The following PLXNB1 variants were observed in gnomAD, a reference collection of about 807,000 sequenced individuals.
PLXNB1 encodes the protein plexin B1, also known as plexin-B1.
In PLXNB1, 106 loss-of-function variants were observed where a neutral mutation model predicts 209.4. That is an observed-to-expected ratio of 0.51 (90% CI 0.43 to 0.59). The LOEUF is 0.59. Ranked by LOEUF, PLXNB1 falls within the 20% of genes least tolerant of loss-of-function variation. The pLI is 0.00. For missense variants in PLXNB1, 2,357 were observed against 2,853.2 expected, an observed-to-expected ratio of 0.83 and a Z score of 3.96; for synonymous variants, 1,167 against 1,183.2, an observed-to-expected ratio of 0.99 and a Z score of 0.28.
At position 48,411,061 on chromosome 3, in the gene PLXNB1, C is replaced by T; in HGVS notation, c.5248-25G>A. On this transcript the variant is annotated intron_variant, in intron 28 of 37. Coordinates refer to ENST00000296440, the MANE Select transcript of PLXNB1 (RefSeq NM_001130082.3). This position sits in a 1 kb window ranked among gnomAD's most constrained non-coding sequence, Gnocchi z 4.0. ...TCTGTGCAGGACACACAGGAGCCATCAGGGTTCATGTGCACTCAGGATGAC... is the reference window on the plus strand; with the variant it reads ...TCTGTGCAGGACACACAGGAGCCATTAGGGTTCATGTGCACTCAGGATGAC... 6.3e-7 allele frequency: 1 copy of T among 1,596,720 alleles called. No homozygotes were observed.
At chr3:48,426,156 G>C (rs2038881911) in intron 1 of PLXNB1, among the ~76,000 whole-genome samples, 1 of 152,212 alleles carries the variant, frequency 6.6e-6, no homozygotes, top group Non-Finnish European at 1.5e-5. Context: ...CAGGGCCCAA[G>C]ATGTGGGGTA....
At chr3:48,427,589 G>A (rs941748973) in intron 1 of PLXNB1, among the ~76,000 whole-genome samples, 1 of 152,048 alleles carries the variant, frequency 6.6e-6, no homozygotes, top group Non-Finnish European at 1.5e-5. Flanking sequence ...GAGGGATAAA[G>A]GCCTACCCCT....
At chr3:48,428,924 G>A (rs2039038618) in intron 1 of PLXNB1, among the ~76,000 whole-genome samples, 1 of 151,682 alleles carries the variant, frequency 6.6e-6, no homozygotes, top group Non-Finnish European at 1.5e-5. Context: ...TCCCCACTCG[G>A]CTCGTCCTTG....
rs970767323 is a variant in PLXNB1 at position 48,410,999 on chromosome 3, C to T, written c.5285G>A (p.Gly1762Glu). 6.2e-7 allele frequency: 1 copy of T among 1,613,582 alleles called. No homozygotes were observed. The highest frequency in any genetic ancestry group is 1.3e-5 in the African/African-American group (1 of 74,928). Residue 1762 changes from glycine to glutamate, a missense_variant, in exon 29 of 38, where the codon GGA (glycine) becomes GAA (glutamate). Gly to Glu is a moderately conservative substitution (Grantham distance 98). Around this residue, in one of 7 missense-constraint regions of PLXNB1, gnomAD observed 414 missense variants for 520.5 expected, o/e 0.80. Transcript: ENST00000296440. The surrounding 1 kb of genome is among the most constrained non-coding windows in gnomAD (Gnocchi z 6.4). The part of the protein sequence containing the change: ...NALLAVGPGA[G>E]EAQGVPVKVL... ...CTTCACGGGCACGCCCTGGGCCTCT[C>T]CTGCCCCAGGCCCCACAGCCAATAG...
chr3:48,414,160 C>A lies in PLXNB1; in HGVS notation c.4210-89G>T, dbSNP rs1241458511. 12 of 1,313,604 alleles carry A rather than the reference C, an allele frequency of 9.1e-6. No homozygotes were observed. In the South Asian group the frequency reaches 1.4e-4, roughly 16 times the overall value. 81.4% of individuals were successfully genotyped at this position (1,313,604 alleles called of 1,614,324 possible). On this transcript the variant is annotated intron_variant, in intron 21 of 37. Coordinates refer to ENST00000296440, the MANE Select transcript of PLXNB1 (RefSeq NM_001130082.3). ...TGTGGGAAGGACCCTGAGACCCAGC[C>A]GCAGCAGCAAAGCTGACAGCCTCTC...
chr3:48,407,480 C>G (rs2037386929), intron 34 of PLXNB1, among the ~76,000 whole-genome samples: 2 of 152,332 alleles, frequency 1.3e-5, no homozygotes, highest in South Asian at 4.1e-4. Context: ...CAGACCACCT[C>G]TCTCCCCAGT....
At chr3:48,422,227 G>A in intron 5 of PLXNB1, 22 bp from the exon 6 acceptor site, 4 of 1,612,894 alleles carry the variant, frequency 2.5e-6, no homozygotes, top group Non-Finnish European at 3.4e-6. Context: ...AAGAGGACCT[G>A]AGGCCAGCAA....
chr3:48,410,445 C>A lies in PLXNB1; in HGVS notation c.5520+10G>T. 1 of 1,613,240 alleles carries A rather than the reference C, an allele frequency of 6.2e-7. No individual in the cohort carries two copies. Among genetic ancestry groups the A allele is most frequent in the Non-Finnish European group, 8.5e-7 (1 of 1,179,290 alleles). ...CCACCATGCCCTCCTCCAGCTCCCACTCCTCCTACCTTGTAATGCTGCAGT... is the reference window on the plus strand; with the variant it reads ...CCACCATGCCCTCCTCCAGCTCCCAATCCTCCTACCTTGTAATGCTGCAGT... On this transcript the variant is annotated intron_variant, in intron 30 of 37. Coordinates refer to ENST00000296440, the MANE Select transcript of PLXNB1 (RefSeq NM_001130082.3). The surrounding 1 kb of genome is among the most constrained non-coding windows in gnomAD (Gnocchi z 6.4).
Position 48,418,435 on chromosome 3 carries a change from C to T in PLXNB1, c.3049+14G>A, listed in dbSNP as rs761556739. 7.4e-6 allele frequency: 12 copies of T among 1,613,006 alleles called. No homozygotes were observed. Among genetic ancestry groups the T allele is most frequent in the African/African-American group, 5.3e-5 (4 of 74,906 alleles). On this transcript the variant is annotated intron_variant, in intron 14 of 37. Coordinates refer to ENST00000296440, the MANE Select transcript of PLXNB1 (RefSeq NM_001130082.3). The surrounding 1 kb of genome is among the most constrained non-coding windows in gnomAD (Gnocchi z 6.6). ...TGCTACCACCGCCAGCCCAGCAGCC[C>T]GCAGGTGGCTCACCATGCAGCCCCT...
Position 48,409,677 on chromosome 3 carries a change from G to C in PLXNB1, c.5833C>G (p.Arg1945Gly), listed in dbSNP as rs765831676. 1 of 1,613,828 alleles carries C rather than the reference G, an allele frequency of 6.2e-7. No individual in the cohort carries two copies. The highest frequency in any genetic ancestry group is 8.5e-7 in the Non-Finnish European group (1 of 1,180,028). Reference protein sequence around the residue: ...DLFQVILSTSRPVPLAVKYFF... With the variant: ...DLFQVILSTSGPVPLAVKYFF... ...TACTTCACAGCGAGCGGCACGGGGC[G>C]GCTGGTGCTGAGAATCACCTGGAAC... The change falls in exon 33 of 38, where the codon CGC (arginine) becomes GGC (glycine). Residue 1945 changes from arginine to glycine, a missense_variant. Arg to Gly is a moderately radical substitution (Grantham distance 125). Coordinates refer to ENST00000296440, the MANE Select transcript of PLXNB1 (RefSeq NM_001130082.3). This position sits in a 1 kb window ranked among gnomAD's most constrained non-coding sequence, Gnocchi z 5.8.
Position 48,420,269 on chromosome 3 carries a change from G to A in PLXNB1, c.2029-12C>T, listed in dbSNP as rs989160853. The A allele has an allele frequency of 6.6e-6, 10 of 1,520,074 alleles. No individual in the cohort carries two copies. The highest frequency in any genetic ancestry group is 2.0e-5 in the Admixed American group (1 of 50,246). 94.2% of individuals were successfully genotyped at this position (1,520,074 alleles called of 1,614,324 possible). ...GAGACAAGCGGGCTCTGAAGGGGGA[G>A]GCAGAGGAAGACAGGAAGGGCCACT... On this transcript the variant is annotated splice_polypyrimidine_tract_variant and intron_variant, in intron 10 of 37. Transcript: ENST00000296440.
At position 48,405,588 on chromosome 3, in the gene PLXNB1, C is replaced by G; in HGVS notation, c.6303+136G>C. 1.5e-6 allele frequency: 1 copy of G among 665,594 alleles called. No individual in the cohort carries two copies. Among genetic ancestry groups the G allele is most frequent in the Non-Finnish European group, 2.6e-6 (1 of 389,488 alleles). 41.2% of individuals were successfully genotyped at this position (665,594 alleles called of 1,614,324 possible). On this transcript the variant is annotated intron_variant, in intron 37 of 37. Transcript: ENST00000296440. This position sits in a 1 kb window ranked among gnomAD's most constrained non-coding sequence, Gnocchi z 5.0. The stretch of plus-strand genomic sequence containing the variant: ...CGCCTGGAAAACACTTCTCAAGCCA[C>G]CAAGGGGCCCGGCCCCCCACTACTC...
At position 48,406,716 on chromosome 3, in the gene PLXNB1, G is replaced by A; in HGVS notation, c.6228+107C>T. ...TTTCCTGCCCCAACCAGCTCACAGG[G>A]CTGCTGAGGTTCCCAAGGGCTTCCC... On this transcript the variant is annotated intron_variant, in intron 36 of 37. Transcript: ENST00000296440. The surrounding 1 kb of genome is among the most constrained non-coding windows in gnomAD (Gnocchi z 4.4). The A allele has an allele frequency of 6.8e-7, 1 of 1,469,230 alleles. No individual in the cohort carries two copies. Among genetic ancestry groups the A allele is most frequent in the Non-Finnish European group, 9.0e-7 (1 of 1,106,708 alleles). The allele number at this position is 1,469,230 out of a possible 1,614,324, so 91.0% of individuals were successfully genotyped here.
chr3:48,404,710 C>T (rs986627493), intron 37 of PLXNB1, 120 bp from the exon 38 acceptor site: 4 of 639,662 alleles, frequency 6.3e-6, no homozygotes, highest in African/African-American at 5.5e-5. Context: ...GAAACCCAGC[C>T]GGTCACTTCA....
At chr3:48,408,029 C>T (rs921817209) in intron 34 of PLXNB1, among the ~76,000 whole-genome samples, 6 of 152,208 alleles carry the variant, frequency 3.9e-5, no homozygotes, top group African/African-American at 1.4e-4. Flanking sequence ...TGTTTTCAGA[C>T]AGGGTCTCGC....
rs1399578192 is a variant in PLXNB1 at position 48,413,056 on chromosome 3, C to T, written c.4636+13G>A. The T allele has an allele frequency of 1.9e-6, 3 of 1,610,888 alleles. No homozygotes were observed. Among genetic ancestry groups the T allele is most frequent in the Admixed American group, 1.7e-5 (1 of 59,996 alleles). On this transcript the variant is annotated intron_variant, in intron 24 of 37. Coordinates refer to ENST00000296440, the MANE Select transcript of PLXNB1 (RefSeq NM_001130082.3). This position sits in a 1 kb window ranked among gnomAD's most constrained non-coding sequence, Gnocchi z 5.4. ...AGAGTTCTGGAGGGCGGGGCCCATT[C>T]TCTCAGCCACACCTGTGAATTCCTT... is the stretch of plus-strand genomic sequence containing the variant.
rs764417958 is a variant in PLXNB1, at chr3:48,423,603, G to A, written c.1009C>T (p.Arg337Ter). 8.7e-6 allele frequency: 14 copies of A among 1,614,076 alleles called. No individual in the cohort carries two copies. The highest frequency in any genetic ancestry group is 1.3e-5 in the African/African-American group (1 of 74,928). ...DEVDRLANRTRDACYTREGRA... is the reference protein window; with the variant it reads ...DEVDRLANRT ...CCCTCCCGGGTGTAGCAGGCATCTC[G>A]CGTGCGATTAGCAAGCCGGTCCACC... is the stretch of plus-strand genomic sequence containing the variant. Residue 337 changes from arginine to a stop codon, truncating the protein, a stop_gained, in exon 3 of 38, where the codon CGA becomes TGA. Coordinates refer to ENST00000296440, the MANE Select transcript of PLXNB1 (RefSeq NM_001130082.3). LOFTEE classifies it high-confidence loss of function.
chr3:48,415,876 G>T lies in PLXNB1; in HGVS notation c.3618-117C>A. The T allele has an allele frequency of 7.5e-7, 1 of 1,339,646 alleles. No individual in the cohort carries two copies. Among genetic ancestry groups the T allele is most frequent in the South Asian group, 1.4e-5 (1 of 70,932 alleles). The allele number at this position is 1,339,646 out of a possible 1,614,324, so 83.0% of individuals were successfully genotyped here. A position where few individuals can be genotyped will look rare whatever the true frequency, so the allele number is the denominator to read the frequency against. The stretch of plus-strand genomic sequence containing the variant: ...CAGTCTCCACCAGGTGTCCCTGGAG[G>T]TGCACTCCCACCACAGCTGGCTAGG... On this transcript the variant is annotated intron_variant, in intron 18 of 37. Coordinates refer to ENST00000296440, the MANE Select transcript of PLXNB1 (RefSeq NM_001130082.3). The surrounding 1 kb of genome is among the most constrained non-coding windows in gnomAD (Gnocchi z 5.0).
rs1375148386 is a variant in PLXNB1, at chr3:48,413,358, G to A, written c.4536-189C>T. On this transcript the variant is annotated intron_variant, in intron 23 of 37. Transcript: ENST00000296440. This position sits in a 1 kb window ranked among gnomAD's most constrained non-coding sequence, Gnocchi z 5.4. ...AGCAAGTCACACACACCCATGCCCC[G>A]TCTAGCCCAGCACAGTTTAGCCTAG... The A allele has an allele frequency of 3.6e-5, 22 of 616,660 alleles. No individual in the cohort carries two copies. Among genetic ancestry groups the A allele is most frequent in the Middle Eastern group, 4.2e-4 (1 of 2,390 alleles). 38.2% of individuals were successfully genotyped at this position (616,660 alleles called of 1,614,324 possible).
Sources: gnomAD v4.1 joint callset for allele counts (sites outside exome capture counted in the v4.1 genomes callset) on GRCh38, gnomAD v4.1.1 for gene constraint, gnomAD v4.1.1 regional missense constraint, Gnocchi (gnomAD v3.1) non-coding constraint, MANE v1.5 for transcripts, NCBI Gene and HGNC (gene_info 2026-07-23, HGNC 2026-07-21) for gene names.